The following SYTL5 variants were observed in gnomAD, a reference collection of about 807,000 sequenced individuals.
SYTL5 encodes synaptotagmin like 5.
A neutral mutation model predicts 55.9 loss-of-function variants in SYTL5; 34 were observed. That is an observed-to-expected ratio of 0.61 (90% CI 0.46 to 0.81). The LOEUF is 0.81. Among genes scored for constraint, SYTL5 ranks in the 30% least tolerant of loss-of-function variants. SYTL5 has a pLI of 0.00. For synonymous variants in SYTL5, 221 were observed against 188.7 expected, an observed-to-expected ratio of 1.17 and a Z score of -1.40; for missense variants, 637 against 546.7, an observed-to-expected ratio of 1.17 and a Z score of -1.65.
chrX:38,082,880 T>C (rs2147469652), intron 6 of SYTL5, among the ~76,000 whole-genome samples: 1 of 112,017 alleles, frequency 8.9e-6, no homozygotes. Flanking sequence ...AATTGAAGTA[T>C]GGTGTACAAG....
At chrX:38,007,111 ATTTC>A (rs1934017040) in intron 1 of SYTL5, among the ~76,000 whole-genome samples, 2 of 111,782 alleles carry the variant, frequency 1.8e-5, no homozygotes, top group African/African-American at 6.5e-5. Context: ...TTTGCTCTGA[ATTTC>A]TTTCATTTAT....
At chrX:37,904,266 G>A in the SYTL5 span, among the ~76,000 whole-genome samples, 2 of 73,087 alleles carry the variant, frequency 2.7e-5, no homozygotes, top group African/African-American at 1.1e-4. Context: ...GGGGTGGTCC[G>A]GGGGGGGGGG....
At chrX:37,948,654 A>G in the SYTL5 span, among the ~76,000 whole-genome samples, 1 of 110,600 alleles carries the variant, frequency 9.0e-6, no homozygotes, top group Non-Finnish European at 1.9e-5. Context: ...TCTATGTTCA[A>G]CTGTTTTAGA....
chrX:38,092,904 G>T lies in SYTL5; in HGVS notation c.832-1391G>T, dbSNP rs376586792. On this transcript the variant is annotated intron_variant, in intron 7 of 16. Transcript: ENST00000297875. ...GGGTATGTATTGCTTGTTAATGACA[G>T]TGCAATATTAATTGGCCTATTAGTG... 1.5e-4 allele frequency among the ~76,000 whole-genome samples: 17 copies of T among 111,926 alleles called. No homozygotes were observed. The East Asian group carries it at 4.5e-3, about 30-fold the overall frequency.
At chrX:38,109,049 A>G (rs1937291741) in intron 12 of SYTL5, among the ~76,000 whole-genome samples, 2 of 112,150 alleles carry the variant, frequency 1.8e-5, no homozygotes, top group South Asian at 7.5e-4. Flanking sequence ...CAGTTTTGAC[A>G]CTACTTAATG....
At chrX:38,063,731 T>G (rs1936017784) in intron 3 of SYTL5, among the ~76,000 whole-genome samples, 1 of 112,458 alleles carries the variant, frequency 8.9e-6, no homozygotes, top group Non-Finnish European at 1.9e-5. Flanking sequence ...ACATCCATGT[T>G]CGTGTGAATA....
At chrX:38,103,740 C>T (rs1937139349) in intron 10 of SYTL5, among the ~76,000 whole-genome samples, 1 of 110,971 alleles carries the variant, frequency 9.0e-6, no homozygotes, top group African/African-American at 3.3e-5. Flanking sequence ...AACATTGCAT[C>T]TCTCGGAACA....
At chrX:38,014,476 C>G (rs1934286769) in intron 1 of SYTL5, among the ~76,000 whole-genome samples, 1 of 112,062 alleles carries the variant, frequency 8.9e-6, no homozygotes, top group African/African-American at 3.2e-5. Flanking sequence ...GTATCTGAGA[C>G]AGGTCTCAAT....
chrX:38,071,266 G>A (rs982385305), intron 3 of SYTL5, among the ~76,000 whole-genome samples: 2 of 111,608 alleles, frequency 1.8e-5, no homozygotes, highest in Middle Eastern at 4.6e-3. Context: ...ATTTCAGGAG[G>A]GAAGATGGGG....
chrX:38,116,661 T>C (rs1373783259), intron 13 of SYTL5, among the ~76,000 whole-genome samples: 1 of 112,973 alleles, frequency 8.9e-6, no homozygotes, highest in Non-Finnish European at 1.9e-5. Context: ...TTTTCAAATC[T>C]TTAGTTCTTC....
At position 38,089,458 on chromosome X, in the gene SYTL5, C is replaced by T; in HGVS notation, c.702C>T (p.Gly234=). ...CTTTCTCATTTAGGGGAAGCACTGG[C>T]TCATCAGATCTCAATGACCAGGAAC... ...SPPGSDRGST[G]SSDLNDQEPG... is the part of the protein sequence containing the mutation. The change falls in exon 7 of 17, where the codon GGC becomes GGT. Residue 234 remains glycine (G), a synonymous_variant. Coordinates refer to ENST00000297875, the MANE Select transcript of SYTL5 (RefSeq NM_138780.3). 1 of 1,207,768 alleles carries T rather than the reference C, an allele frequency of 8.3e-7. No homozygotes were observed. The highest frequency in any genetic ancestry group is 3.0e-5 in the East Asian group (1 of 33,647).
chrX:37,968,446 T>A, the SYTL5 span, among the ~76,000 whole-genome samples: 1 of 111,745 alleles, frequency 8.9e-6, no homozygotes, highest in South Asian at 3.8e-4. Context: ...GTTGGGTCTG[T>A]AAGACCTATG....
chrX:37,957,584 T>C, the SYTL5 span, among the ~76,000 whole-genome samples: 1 of 112,265 alleles, frequency 8.9e-6, no homozygotes, highest in South Asian at 3.7e-4. Flanking sequence ...GTCTGTTGAC[T>C]ACATGTATGG....
At chrX:38,090,015 G>A in intron 7 of SYTL5, among the ~76,000 whole-genome samples, 1 of 112,285 alleles carries the variant, frequency 8.9e-6, no homozygotes, top group East Asian at 2.8e-4. Context: ...TGTTCTTTAT[G>A]CTGCTGAAAG....
At chrX:38,088,138 T>C (rs1441355591) in intron 6 of SYTL5, among the ~76,000 whole-genome samples, 25 of 111,792 alleles carry the variant, frequency 2.2e-4, no homozygotes, top group Non-Finnish European at 5.6e-5. Flanking sequence ...TTTGGTGACT[T>C]CTCTGGTGCA....
intron 9 of SYTL5, among the ~76,000 whole-genome samples, chrX:38,100,691 TG>T (rs1279473124): frequency 9.0e-6 from 1 of 111,480 alleles, no homozygotes; most frequent in Non-Finnish European, 1.9e-5. Flanking sequence ...CATATACTAC[TG>T]GTTAGACTGT....
intron 3 of SYTL5, among the ~76,000 whole-genome samples, chrX:38,056,968 C>T (rs770744077): frequency 8.9e-6 from 1 of 111,766 alleles, no homozygotes; most frequent in Non-Finnish European, 1.9e-5. Flanking sequence ...CTTTGCTGTG[C>T]AGAAGCTTTT....
the SYTL5 span, among the ~76,000 whole-genome samples, chrX:37,981,587 G>A: frequency 1.7e-3 from 187 of 111,466 alleles, 2 homozygotes; most frequent in Middle Eastern, 9.3e-3. Flanking sequence ...ATGAGCCACC[G>A]CGCCCGGCCT....
intron 1 of SYTL5, among the ~76,000 whole-genome samples, chrX:38,028,261 G>A (rs1244325598): frequency 1.8e-5 from 2 of 112,086 alleles, no homozygotes; most frequent in Non-Finnish European, 3.8e-5. Flanking sequence ...TTCCCAAGGG[G>A]CTTTTATTGG....
Sources: gnomAD v4.1 joint callset for allele counts (sites outside exome capture counted in the v4.1 genomes callset) on GRCh38, gnomAD v4.1.1 for gene constraint, MANE v1.5 for transcripts, NCBI Gene and HGNC (gene_info 2026-07-23, HGNC 2026-07-21) for gene names.